IL9R: variants seen among roughly 807,000 people sequenced by gnomAD.
The protein encoded by IL9R is interleukin-9 receptor.
IL9R carries 54 observed loss-of-function variants against 56.3 expected under a neutral mutation model. The ratio of observed to expected loss-of-function variants is 0.96; its 90% CI spans 0.77 to 1.20. IL9R has a LOEUF of 1.20. IL9R is among the 50% of genes most tolerant of loss of function. The probability of loss-of-function intolerance (pLI) is 0.00; values close to 1 mark genes in which losing one functional copy is unlikely to be tolerated. For missense variants in IL9R, 545 were observed against 629.8 expected (o/e 0.87, Z 1.44); for synonymous variants, 212 against 250.2 (o/e 0.85, Z 1.44).
In IL9R at chrX:156,003,335, T is replaced by G; in HGVS notation, c.143-114T>G. 1.2e-5 allele frequency: 9 copies of G among 774,158 alleles called. No homozygotes were observed. In the South Asian group the frequency reaches 1.2e-4, roughly 10 times the overall value. 48.0% of individuals were successfully genotyped at this position (774,158 alleles called of 1,614,324 possible). On this transcript the variant is annotated intron_variant, in intron 2 of 8. Transcript: ENST00000244174. The stretch of plus-strand genomic sequence containing the variant: ...GTGCTTCCCTGGACAGATTCTGGGA[T>G]CATTTACTGGTGACTGCCCTGCTAG...
Position 156,005,483 on chromosome X carries a change from G to A in IL9R, c.781+4G>A, listed in dbSNP as rs747600185. 1.2e-6 allele frequency: 2 copies of A among 1,611,630 alleles called. No individual in the cohort carries two copies. The highest frequency in any genetic ancestry group is 1.7e-6 in the Non-Finnish European group (2 of 1,178,816). ...TTCCAGGCTCCCCAGAGACAAGGTG[G>A]GCACTGCTGTGGCTGCTGCACTTCC... On this transcript the variant is annotated splice_donor_region_variant and intron_variant, in intron 6 of 8. Transcript: ENST00000244174.
In IL9R at chrX:156,004,179, C is replaced by G. The variant is rs2067746390; in HGVS notation, c.434-241C>G. The G allele has an allele frequency of 1.8e-5, 11 of 600,922 alleles. No individual in the cohort carries two copies. The East Asian group carries it at 2.8e-4, about 15-fold the overall frequency. The allele number at this position is 600,922 out of a possible 1,614,324, so 37.2% of individuals were successfully genotyped here. ...GCTGGGAAAAGCTTCCAGCAGCAGACTGTGAAGGAAAGGGAAAGCAAGATT... is the reference window on the plus strand; with the variant it reads ...GCTGGGAAAAGCTTCCAGCAGCAGAGTGTGAAGGAAAGGGAAAGCAAGATT... On this transcript the variant is annotated intron_variant, in intron 4 of 8. Transcript: ENST00000244174.
rs759921132 is a variant in IL9R at position 156,003,663 on chromosome X, A to C, written c.255-14A>C. On this transcript the variant is annotated splice_polypyrimidine_tract_variant and intron_variant, in intron 3 of 8. Transcript: ENST00000244174. ...GTGTAGCAGCCCCGTGGTGCTGACAAATGCCCTTTCCAGCAACCAGGCTCC... is the reference window on the plus strand; with the variant it reads ...GTGTAGCAGCCCCGTGGTGCTGACACATGCCCTTTCCAGCAACCAGGCTCC... 1 of 1,612,610 alleles carries C rather than the reference A, an allele frequency of 6.2e-7. No individual in the cohort carries two copies. The highest frequency in any genetic ancestry group is 1.1e-5 in the South Asian group (1 of 90,870).
chrX:156,004,295 G>C, intron 4 of IL9R, 125 bp from the exon 5 acceptor site: 1 of 918,182 alleles, frequency 1.1e-6, no homozygotes, highest in Non-Finnish European at 1.7e-6. Flanking sequence ...TCCCAGTGAG[G>C]TGCCTGGTCT....
At chrX:155,999,926 G>A (rs1403107593) in intron 1 of IL9R, among the ~76,000 whole-genome samples, 4 of 152,018 alleles carry the variant, frequency 2.6e-5, no homozygotes, top group Admixed American at 2.0e-4. Context: ...AGGAGTACGA[G>A]ACCAGCCTGA....
At chrX:156,009,106 TGTTTA>T (rs2068241833) in intron 8 of IL9R, among the ~76,000 whole-genome samples, 2 of 150,540 alleles carry the variant, frequency 1.3e-5, no homozygotes, top group African/African-American at 4.9e-5. Context: ...TCTGTGTGTG[TGTTTA>T]TGTGTCTGTG....
At chrX:156,008,734 C>T (rs1399670995) in intron 8 of IL9R, among the ~76,000 whole-genome samples, 1 of 152,232 alleles carries the variant, frequency 6.6e-6, no homozygotes. Flanking sequence ...GGGATGGAGG[C>T]TCCTGGTCCC....
intron 1 of IL9R, 144 bp downstream of exon 1, chrX:155,997,931 T>A (rs2067251093): frequency 9.0e-6 from 7 of 781,128 alleles, no homozygotes; most frequent in Admixed American, 2.3e-5. Flanking sequence ...TCCTCTGGTG[T>A]CCTGGCCTTG....
intron 5 of IL9R, among the ~76,000 whole-genome samples, 179 bp downstream of exon 5, chrX:156,004,744 A>G (rs2067795360): frequency 6.6e-6 from 1 of 152,140 alleles, no homozygotes. Flanking sequence ...ATGTGTGTGT[A>G]TGGGAGTAGG....
In IL9R at chrX:156,003,435, G is replaced by A. The variant is rs779028000; in HGVS notation, c.143-14G>A. ...AAGTACTTACCGTGGGCTCCTGATGGTCACTGTCTCCAGGGCCAAGGTCTA... is the reference window on the plus strand; with the variant it reads ...AAGTACTTACCGTGGGCTCCTGATGATCACTGTCTCCAGGGCCAAGGTCTA... On this transcript the variant is annotated splice_polypyrimidine_tract_variant and intron_variant, in intron 2 of 8. Transcript: ENST00000244174. 2 of 1,593,286 alleles carry A rather than the reference G, an allele frequency of 1.3e-6. No homozygotes were observed. Among genetic ancestry groups the A allele is most frequent in the Admixed American group, 3.3e-5 (2 of 59,956 alleles).
chrX:156,001,692 G>C (rs2124498693), intron 1 of IL9R, among the ~76,000 whole-genome samples: 1 of 152,022 alleles, frequency 6.6e-6, no homozygotes, highest in South Asian at 2.1e-4. Flanking sequence ...AATCAGTCTT[G>C]TATAACCAGG....
chrX:156,006,535 G>A (rs1441721013), intron 7 of IL9R, among the ~76,000 whole-genome samples: 3 of 150,978 alleles, frequency 2.0e-5, no homozygotes, highest in African/African-American at 7.4e-5. Flanking sequence ...GCCTCTGGAG[G>A]AGCTTGGTTT....
At chrX:156,007,288 C>T (rs2068039886) in intron 7 of IL9R, among the ~76,000 whole-genome samples, 2 of 145,252 alleles carry the variant, frequency 1.4e-5, no homozygotes, top group African/African-American at 5.2e-5. Context: ...GCCATCGCAG[C>T]TCACGCTGTA....
chrX:156,002,750 G>A, intron 1 of IL9R, 156 bp from the exon 2 acceptor site: 1 of 1,062,966 alleles, frequency 9.4e-7, no homozygotes, highest in Non-Finnish European at 1.4e-6. Flanking sequence ...CTGGACAGTG[G>A]TCCAGGACGC....
In IL9R at chrX:156,001,899, G is replaced by A. The variant is rs111890870; in HGVS notation, c.29-1007G>A. On this transcript the variant is annotated intron_variant, in intron 1 of 8. Transcript: ENST00000244174. ...CATCCGGGGGCTTTGCCCTTCTGGT[G>A]TTGCTCTTCTTTGCAGGTGCCTTGG... Among the ~76,000 whole-genome samples, 20 of 152,296 alleles carry A rather than the reference G, an allele frequency of 1.3e-4. 1 individual carries two copies. The East Asian group carries it at 3.9e-3, about 29-fold the overall frequency.
chrX:156,004,397 C>T (rs2067761759), intron 4 of IL9R, 23 bp from the exon 5 acceptor site: 2 of 1,613,612 alleles, frequency 1.2e-6, no homozygotes, highest in East Asian at 2.2e-5. Context: ...GCTTCAGCCT[C>T]ACATGGATTC....
At chrX:156,009,730 G>A in intron 8 of IL9R, 86 bp from the exon 9 acceptor site, 1 of 658,950 alleles carries the variant, frequency 1.5e-6, no homozygotes, top group Non-Finnish European at 2.2e-6. Context: ...AGGGATGCTG[G>A]GCTTGCCAGA....
In IL9R at chrX:156,005,314, T is replaced by C. The variant is rs887623536; in HGVS notation, c.616T>C (p.Trp206Arg). The change falls in exon 6 of 9, where the codon TGG (tryptophan) becomes CGG (arginine). Residue 206 changes from tryptophan to arginine, a missense_variant. Trp to Arg is a moderately radical substitution (Grantham distance 101). This residue lies in a region of IL9R where 431 missense variants were observed against 360.0 expected (regional missense o/e 1.20). Coordinates refer to ENST00000244174, the MANE Select transcript of IL9R (RefSeq NM_002186.3). ...QHRDHIVGVTWLILEAFELDP... is the reference protein window; with the variant it reads ...QHRDHIVGVTRLILEAFELDP... ...CAGGGATCACATTGTCGGGGTGACC[T>C]GGCTTATACTTGAAGCCTTTGAGCT... 1 of 1,612,162 alleles carries C rather than the reference T, an allele frequency of 6.2e-7. No individual in the cohort carries two copies. Among genetic ancestry groups the C allele is most frequent in the Non-Finnish European group, 8.5e-7 (1 of 1,179,848 alleles).
At chrX:156,009,081 GTTT>G (rs2068234810) in intron 8 of IL9R, among the ~76,000 whole-genome samples, 1 of 149,878 alleles carries the variant, frequency 6.7e-6, no homozygotes, top group African/African-American at 2.5e-5. Flanking sequence ...GTCTGTGTGT[GTTT>G]GTGTGTGTGT....
Sources: gnomAD v4.1 joint callset for allele counts (sites outside exome capture counted in the v4.1 genomes callset) on GRCh38, gnomAD v4.1.1 for gene constraint, gnomAD v4.1.1 regional missense constraint, MANE v1.5 for transcripts, NCBI Gene and HGNC (gene_info 2026-07-23, HGNC 2026-07-21) for gene names.